CAMKMT: variants seen among roughly 807,000 people sequenced by gnomAD.
CAMKMT encodes calmodulin-lysine N-methyltransferase, also known as CaM KMT.
In CAMKMT, 53 loss-of-function variants were observed where a neutral mutation model predicts 48.0. That is an observed-to-expected ratio of 1.10 (90% confidence interval 0.89 to 1.39). The LOEUF is 1.39. CAMKMT is among the 40% of genes most tolerant of loss of function. CAMKMT has a pLI of 0.00. For missense variants in CAMKMT, 428 were observed against 402.7 expected (o/e 1.06, Z -0.54); for synonymous variants, 165 against 152.3 (o/e 1.08, Z -0.61).
chr2:44,760,610 CAAAAAAA>C (rs1162341532), intron 9 of CAMKMT, among the ~76,000 whole-genome samples: 1 of 60,364 alleles, frequency 1.7e-5, no homozygotes. Flanking sequence ...GATTCCATCT[CAAAAAAA>C]AAAAAAAAAA....
intron 3 of CAMKMT, among the ~76,000 whole-genome samples, chr2:44,452,594 A>G (rs1443080521): frequency 6.6e-6 from 1 of 152,022 alleles, no homozygotes; most frequent in East Asian, 1.9e-4. Flanking sequence ...TACAGAGTTT[A>G]ATTTTGCTGA....
chr2:44,735,145 T>A (rs766429698), intron 7 of CAMKMT, among the ~76,000 whole-genome samples: 32 of 152,232 alleles, frequency 2.1e-4, no homozygotes, highest in Non-Finnish European at 3.5e-4. Context: ...ATCTACTATG[T>A]CTGATATGAA....
At chr2:44,466,935 C>T (rs1242731359) in intron 3 of CAMKMT, among the ~76,000 whole-genome samples, 1 of 152,076 alleles carries the variant, frequency 6.6e-6, no homozygotes, top group Non-Finnish European at 1.5e-5. Context: ...AAACATATAA[C>T]CTACCAAGAC....
chr2:44,683,392 C>T (rs182699832), intron 3 of CAMKMT, among the ~76,000 whole-genome samples: 59 of 152,238 alleles, frequency 3.9e-4, no homozygotes, highest in African/African-American at 1.3e-3. Flanking sequence ...AAAAGAGAAC[C>T]ATAGTGAGGT....
At chr2:44,581,477 A>G (rs776200210) in intron 3 of CAMKMT, among the ~76,000 whole-genome samples, 13 of 152,216 alleles carry the variant, frequency 8.5e-5, no homozygotes, top group Non-Finnish European at 1.6e-4. Flanking sequence ...TGACCATTAA[A>G]TATGTGTATA....
intron 3 of CAMKMT, among the ~76,000 whole-genome samples, chr2:44,442,392 A>G (rs10514792): frequency 0.056 from 8,473 of 152,238 alleles, 302 homozygotes; most frequent in South Asian, 0.13. Context: ...GTTCGTATAC[A>G]TATTTTACAT....
chr2:44,524,965 TAA>T (rs200808019), intron 3 of CAMKMT, among the ~76,000 whole-genome samples: 19 of 98,302 alleles, frequency 1.9e-4, no homozygotes, highest in African/African-American at 4.3e-4. Context: ...GCAAATTTCA[TAA>T]AAAAAAAAAA....
At chr2:44,655,989 A>T (rs1212923438) in intron 3 of CAMKMT, among the ~76,000 whole-genome samples, 2 of 152,158 alleles carry the variant, frequency 1.3e-5, no homozygotes, top group African/African-American at 4.8e-5. Context: ...AGTTTTGTTG[A>T]TTTAAGTGGG....
At chr2:44,468,378 G>GGGGA (rs1405124068) in intron 3 of CAMKMT, among the ~76,000 whole-genome samples, 1 of 152,136 alleles carries the variant, frequency 6.6e-6, no homozygotes, top group Non-Finnish European at 1.5e-5. Context: ...TACAGAGAAG[G>GGGGA]GGGAGCTCAT....
At chr2:44,730,245 C>T (rs1444086720) in intron 7 of CAMKMT, among the ~76,000 whole-genome samples, 1 of 152,156 alleles carries the variant, frequency 6.6e-6, no homozygotes, top group East Asian at 1.9e-4. Flanking sequence ...GATATGTCCT[C>T]TTGCTTCTTC....
intron 3 of CAMKMT, among the ~76,000 whole-genome samples, chr2:44,597,778 C>G (rs1256248720): frequency 2.8e-4 from 42 of 152,132 alleles, no homozygotes; most frequent in Non-Finnish European, 1.5e-5. Context: ...TGCTCTTCAC[C>G]TGGGCTGGAG....
At chr2:44,752,966 C>A (rs1179771972) in intron 8 of CAMKMT, among the ~76,000 whole-genome samples, 1 of 152,178 alleles carries the variant, frequency 6.6e-6, no homozygotes, top group African/African-American at 2.4e-5. Context: ...CTGCGACCTG[C>A]AAGTTCAGAT....
chr2:44,576,703 A>G (rs569507336), intron 3 of CAMKMT, among the ~76,000 whole-genome samples: 1 of 152,330 alleles, frequency 6.6e-6, no homozygotes, highest in East Asian at 1.9e-4. Context: ...GAGGAGTGGC[A>G]TGTTAGGATT....
At chr2:44,562,485 A>G (rs931609183) in intron 3 of CAMKMT, among the ~76,000 whole-genome samples, 21 of 152,184 alleles carry the variant, frequency 1.4e-4, no homozygotes, top group African/African-American at 4.8e-4. Flanking sequence ...TCTATTTCAC[A>G]AATGATGAAA....
chr2:44,382,894 A>G (rs1463764151), intron 2 of CAMKMT, among the ~76,000 whole-genome samples: 2 of 152,224 alleles, frequency 1.3e-5, no homozygotes, highest in Non-Finnish European at 2.9e-5. Flanking sequence ...TTCTCTTACT[A>G]TGTTTTAGTT....
At chr2:44,573,390 CTG>C (rs773848380) in intron 3 of CAMKMT, among the ~76,000 whole-genome samples, 11 of 150,544 alleles carry the variant, frequency 7.3e-5, no homozygotes, top group Non-Finnish European at 1.2e-4. Flanking sequence ...CTTTTTCACT[CTG>C]TTTTTTTTTA....
chr2:44,469,577 G>A (rs1168738353), intron 3 of CAMKMT, among the ~76,000 whole-genome samples: 4 of 151,684 alleles, frequency 2.6e-5, no homozygotes, highest in Non-Finnish European at 5.9e-5. Context: ...TTCTTTATAT[G>A]TTACTTTATC....
chr2:44,732,795 C>G (rs1379746251), intron 7 of CAMKMT, among the ~76,000 whole-genome samples: 1 of 152,136 alleles, frequency 6.6e-6, no homozygotes, highest in Non-Finnish European at 1.5e-5. Context: ...TTGACATACT[C>G]TGGGAGTTCT....
chr2:44,637,096 G>A (rs1287035102), intron 3 of CAMKMT, among the ~76,000 whole-genome samples: 3 of 152,200 alleles, frequency 2.0e-5, no homozygotes, highest in Non-Finnish European at 4.4e-5. Flanking sequence ...GCTAGTGGGT[G>A]TTCGCTAAAA....
Sources: gnomAD v4.1 joint callset for allele counts (sites outside exome capture counted in the v4.1 genomes callset) on GRCh38, gnomAD v4.1.1 for gene constraint, MANE v1.5 for transcripts, NCBI Gene and HGNC (gene_info 2026-07-23, HGNC 2026-07-21) for gene names.